MOSMO: variants seen among roughly 807,000 people sequenced by gnomAD.
MOSMO encodes modulator of smoothened.
MOSMO carries 5 observed loss-of-function variants against 18.4 expected under a neutral mutation model. The observed-to-expected ratio is 0.27, with a 90% CI of 0.14 to 0.57. The LOEUF (loss-of-function observed/expected upper bound fraction) is 0.57, where lower values mean the gene tolerates loss of function less well. MOSMO is among the 20% of genes least tolerant of loss of function. MOSMO has a pLI of 0.92. For missense variants in MOSMO, 138 were observed against 211.8 expected, an observed-to-expected ratio of 0.65 and a Z score of 2.16; for synonymous variants, 82 against 82.3, an observed-to-expected ratio of 1.00 and a Z score of 0.02.
chr16:22,036,582 G>A (rs548910357), intron 1 of MOSMO, among the ~76,000 whole-genome samples: 6 of 152,084 alleles, frequency 3.9e-5, no homozygotes, highest in Non-Finnish European at 5.9e-5. Context: ...CGAGTAGCTC[G>A]GACTACAGGT....
chr16:22,029,885 C>T (rs1256050268), intron 1 of MOSMO, among the ~76,000 whole-genome samples: 1 of 152,194 alleles, frequency 6.6e-6, no homozygotes, highest in East Asian at 1.9e-4. Context: ...GCCTTGACCT[C>T]CCGAAGTGCT....
chr16:22,059,918 T>G (rs1368538085), intron 1 of MOSMO, among the ~76,000 whole-genome samples: 1 of 152,212 alleles, frequency 6.6e-6, no homozygotes, highest in East Asian at 1.9e-4. Flanking sequence ...GGCTCATGCC[T>G]GTAACCCCAA....
At chr16:22,059,753 T>C (rs1294683651) in intron 1 of MOSMO, among the ~76,000 whole-genome samples, 1 of 152,092 alleles carries the variant, frequency 6.6e-6, no homozygotes, top group Admixed American at 6.5e-5. Flanking sequence ...CTCTACCTGG[T>C]CTCTCTTTCA....
rs1237194551 is a variant in MOSMO at position 22,008,176 on chromosome 16, G to C, written c.-126G>C. ...GGCGCGCGGAGGGCGCGAGCGGCGC[G>C]CGGGGGCCGAGGGGGCGCGAGGCAG... is the stretch of plus-strand genomic sequence containing the variant. On this transcript the variant is annotated 5_prime_UTR_variant, in exon 1 of 3. Coordinates refer to ENST00000542527, the MANE Select transcript of MOSMO (RefSeq NM_001164579.2). 1 of 228,192 alleles carries C rather than the reference G, an allele frequency of 4.4e-6. No homozygotes were observed. The highest frequency in any genetic ancestry group is 7.4e-6 in the Non-Finnish European group (1 of 136,026). 14.1% of individuals were successfully genotyped at this position (228,192 alleles called of 1,614,324 possible). A position where few individuals can be genotyped will look rare whatever the true frequency, so the allele number is the denominator to read the frequency against.
intron 1 of MOSMO, among the ~76,000 whole-genome samples, chr16:22,023,127 T>G (rs913723891): frequency 6.6e-6 from 1 of 152,198 alleles, no homozygotes; most frequent in Non-Finnish European, 1.5e-5. Context: ...TTTTTTAAAT[T>G]GAGTCACTTA....
chr16:22,050,666 G>A (rs1483983230), intron 1 of MOSMO, among the ~76,000 whole-genome samples: 2 of 152,070 alleles, frequency 1.3e-5, no homozygotes, highest in Non-Finnish European at 2.9e-5. Flanking sequence ...GAGGCAGGAG[G>A]ATCACTTGAG....
chr16:22,019,463 T>C (rs1047048499), intron 1 of MOSMO, among the ~76,000 whole-genome samples: 4 of 152,246 alleles, frequency 2.6e-5, no homozygotes, highest in African/African-American at 9.6e-5. Flanking sequence ...GGTAACACTT[T>C]GCACATTTTT....
intron 2 of MOSMO, among the ~76,000 whole-genome samples, chr16:22,076,885 G>A (rs1900980227): frequency 6.6e-6 from 1 of 152,096 alleles, no homozygotes; most frequent in Non-Finnish European, 1.5e-5. Context: ...TTTAGATCAA[G>A]TTGCCTTTTA....
At chr16:22,054,691 A>G (rs1900498519) in intron 1 of MOSMO, among the ~76,000 whole-genome samples, 1 of 152,214 alleles carries the variant, frequency 6.6e-6, no homozygotes, top group South Asian at 2.1e-4. Flanking sequence ...AACAATTTAA[A>G]TGCACAAGTA....
At chr16:22,020,302 T>C (rs1899730802) in intron 1 of MOSMO, among the ~76,000 whole-genome samples, 1 of 147,820 alleles carries the variant, frequency 6.8e-6, no homozygotes, top group Non-Finnish European at 1.5e-5. Context: ...TTTTTTTTTT[T>C]TTTTTTTTTG....
rs566928605 is a variant in MOSMO at position 22,050,184 on chromosome 16, T to C, written c.107-25303T>C. On this transcript the variant is annotated intron_variant, in intron 1 of 2. Transcript: ENST00000542527. The stretch of plus-strand genomic sequence containing the variant: ...TAAATAACATACTTGATTAATTCCA[T>C]TGGACATGAGGTAATGGCTGCTCTT... Among the ~76,000 whole-genome samples the C allele has an allele frequency of 7.2e-5, 11 of 152,300 alleles. No homozygotes were observed. In the South Asian group the frequency reaches 1.0e-3, roughly 14 times the overall value.
rs1470981253 is a variant in MOSMO at position 22,081,575 on chromosome 16, TATATA to T, written c.*701_*705del. ...AATCTTCCTTATATTTATATAAATA[TATATA>T]ATATATATATTTTGCTGATGCAGTA... On this transcript the variant is annotated 3_prime_UTR_variant, in exon 3 of 3. Transcript: ENST00000542527. 5 of 148,712 alleles carry T rather than the reference TATATA, an allele frequency of 3.4e-5. No homozygotes were observed. The highest frequency in any genetic ancestry group is 7.4e-5 in the Non-Finnish European group (5 of 67,248). 9.2% of individuals were successfully genotyped at this position (148,712 alleles called of 1,614,324 possible). A position where few individuals can be genotyped will look rare whatever the true frequency, so the allele number is the denominator to read the frequency against.
intron 1 of MOSMO, among the ~76,000 whole-genome samples, chr16:22,042,317 A>G (rs1468459460): frequency 3.3e-5 from 5 of 152,024 alleles, no homozygotes; most frequent in African/African-American, 9.7e-5. Context: ...GTTATTTGAC[A>G]CCTTTTCTAG....
At chr16:22,026,726 A>C (rs371289503) in intron 1 of MOSMO, among the ~76,000 whole-genome samples, 1 of 152,234 alleles carries the variant, frequency 6.6e-6, no homozygotes, top group Non-Finnish European at 1.5e-5. Flanking sequence ...AATAGCAATA[A>C]AACTAGGACA....
chr16:22,077,728 G>C (rs1215542736), intron 2 of MOSMO, among the ~76,000 whole-genome samples: 1 of 152,008 alleles, frequency 6.6e-6, no homozygotes, highest in Non-Finnish European at 1.5e-5. Context: ...GGACCTCCTG[G>C]GGCTCCCTAG....
At chr16:22,008,851 T>C (rs1031305108) in intron 1 of MOSMO, among the ~76,000 whole-genome samples, 3 of 151,664 alleles carry the variant, frequency 2.0e-5, no homozygotes, top group Non-Finnish European at 4.4e-5. Flanking sequence ...TGAGGCAGCC[T>C]GCGGGGCAGT....
intron 1 of MOSMO, among the ~76,000 whole-genome samples, chr16:22,046,648 C>T (rs1900314825): frequency 6.6e-6 from 1 of 152,054 alleles, no homozygotes; most frequent in Admixed American, 6.5e-5. Context: ...ATAATTGGGA[C>T]CATTTTAAAC....
rs1598029821 is a variant in MOSMO at position 22,083,369 on chromosome 16, A to C, written c.*2489A>C. The C allele has an allele frequency of 5.2e-6, 1 of 192,740 alleles. No individual in the cohort carries two copies. The highest frequency in any genetic ancestry group is 9.0e-5 in the South Asian group (1 of 11,078). The allele number at this position is 192,740 out of a possible 1,614,324, so 11.9% of individuals were successfully genotyped here. A position where few individuals can be genotyped will look rare whatever the true frequency, so the allele number is the denominator to read the frequency against. On this transcript the variant is annotated 3_prime_UTR_variant, in exon 3 of 3. Transcript: ENST00000542527. ...GTGCATACAGGGCTGATGGGGGAAAACTCCCTCTAGCCAGTCAGCACTCTA... is the reference window on the plus strand; with the variant it reads ...GTGCATACAGGGCTGATGGGGGAAACCTCCCTCTAGCCAGTCAGCACTCTA...
chr16:22,090,490 G>C (rs192738113), downstream of MOSMO, among the ~76,000 whole-genome samples: 1 of 151,844 alleles, frequency 6.6e-6, no homozygotes, highest in African/African-American at 2.4e-5. Flanking sequence ...TAATCTTTTC[G>C]TTAGCTTAGG....
Sources: gnomAD v4.1 joint callset for allele counts (sites outside exome capture counted in the v4.1 genomes callset) on GRCh38, gnomAD v4.1.1 for gene constraint, MANE v1.5 for transcripts, NCBI Gene and HGNC (gene_info 2026-07-23, HGNC 2026-07-21) for gene names.